The following C19orf25 variants were observed in gnomAD, a reference collection of about 807,000 sequenced individuals.
The protein encoded by C19orf25 is UPF0449 protein C19orf25.
In C19orf25, 1 loss-of-function variant was observed where a neutral mutation model predicts 3.1. That is an observed-to-expected ratio of 0.32 (90% confidence interval 0.12 to 1.54). The LOEUF (loss-of-function observed/expected upper bound fraction) is 1.54. Ranked by LOEUF, C19orf25 falls within the 40% of genes most tolerant of loss-of-function variation. The probability of loss-of-function intolerance (pLI) is 0.38; values close to 1 mark genes in which losing one functional copy is unlikely to be tolerated. For synonymous variants in C19orf25, 91 were observed against 74.3 expected, an observed-to-expected ratio of 1.23 and a Z score of -1.16; for missense variants, 196 against 160.4, an observed-to-expected ratio of 1.22 and a Z score of -1.20.
At chr19:1,478,394 C>T in intron 2 of C19orf25, 1 of 411,534 alleles carries the variant, frequency 2.4e-6, no homozygotes, top group Non-Finnish European at 4.2e-6. Flanking sequence ...GCGCCTGCCA[C>T]TATGCCCAGC....
chr19:1,478,995 C>T, intron 1 of C19orf25, 90 bp from the exon 2 acceptor site: 2 of 1,428,180 alleles, frequency 1.4e-6, no homozygotes, highest in South Asian at 1.5e-5. Flanking sequence ...TCGTACGCAC[C>T]CGTCGCGGTC....
Position 1,474,837 on chromosome 19 carries a change from A to G in C19orf25, c.*195T>C. ...CCCTCAGGTCACGCAGGACGGAGCC[A>G]GCTGGGTGGGTCCCACCAACTCGGC... On this transcript the variant is annotated 3_prime_UTR_variant, in exon 3 of 3. Coordinates refer to ENST00000585675, the MANE Select transcript of C19orf25 (RefSeq NM_152482.3). 6.8e-7 allele frequency: 1 copy of G among 1,464,794 alleles called. No individual in the cohort carries two copies. 90.7% of individuals were successfully genotyped at this position (1,464,794 alleles called of 1,614,324 possible).
chr19:1,476,790 T>G (rs1344671669), intron 2 of C19orf25, among the ~76,000 whole-genome samples: 1 of 152,078 alleles, frequency 6.6e-6, no homozygotes, highest in Non-Finnish European at 1.5e-5. Flanking sequence ...CTAGTTTGTG[T>G]ATTTTTGGTA....
chr19:1,478,933 G>C (rs2084235615), intron 1 of C19orf25, 28 bp from the exon 2 acceptor site: 6 of 1,567,296 alleles, frequency 3.8e-6, no homozygotes, highest in Non-Finnish European at 5.2e-6. Flanking sequence ...GGCGCTGACC[G>C]GGGCGTCCAC....
rs776597569 is a variant in C19orf25, at chr19:1,475,052, C to G, written c.337G>C (p.Glu113Gln). 1.9e-6 allele frequency: 3 copies of G among 1,595,146 alleles called. No individual in the cohort carries two copies. Among genetic ancestry groups the G allele is most frequent in the Non-Finnish European group, 2.6e-6 (3 of 1,173,190 alleles). The change falls in exon 3 of 3, where the codon GAG becomes CAG. Residue 113 changes from glutamate to glutamine, a missense_variant. By Grantham distance (29) the Glu-to-Gln change is conservative. Transcript: ENST00000585675. Reference protein sequence around the residue: ...QMKQAALPAAEAASSG With the variant: ...QMKQAALPAAQAASSG ...AGAGGTCAGCCTGAGGAGGCAGCCTCGGCTGCCGGTAATGCTGCCTGCTTC... is the reference window on the plus strand; with the variant it reads ...AGAGGTCAGCCTGAGGAGGCAGCCTGGGCTGCCGGTAATGCTGCCTGCTTC...
Position 1,474,723 on chromosome 19 carries a change from C to G in C19orf25, c.*309G>C. ...AGGAGGTGGCACCTGCTCCCAGGGG[C>G]CCCACTGCAGAGCACGGCCACTGTG... is the stretch of plus-strand genomic sequence containing the variant. On this transcript the variant is annotated 3_prime_UTR_variant, in exon 3 of 3. Transcript: ENST00000585675. 1 of 1,326,926 alleles carries G rather than the reference C, an allele frequency of 7.5e-7. No homozygotes were observed. The highest frequency in any genetic ancestry group is 9.9e-7 in the Non-Finnish European group (1 of 1,008,250). 82.2% of individuals were successfully genotyped at this position (1,326,926 alleles called of 1,614,324 possible).
At chr19:1,478,742 T>A in intron 2 of C19orf25, 32 bp downstream of exon 2, 1 of 1,544,680 alleles carries the variant, frequency 6.5e-7, no homozygotes, top group South Asian at 1.2e-5. Context: ...GGGTCTCAGG[T>A]CCGCTTTTCC....
intron 2 of C19orf25, among the ~76,000 whole-genome samples, chr19:1,477,332 C>G (rs1196292626): frequency 1.3e-5 from 2 of 152,232 alleles, no homozygotes; most frequent in Non-Finnish European, 2.9e-5. Flanking sequence ...CCGCCAGCCC[C>G]AGAACAGCCT....
In C19orf25 at chr19:1,473,998, T is replaced by C. The variant is rs184555519; in HGVS notation, c.*1034A>G. On this transcript the variant is annotated 3_prime_UTR_variant, in exon 3 of 3. Transcript: ENST00000585675. ...TCCACATTCAAGAAACAAAGCTGGCTGTGGGTCTGGAGAGAGGGTGAGGCA... is the reference window on the plus strand; with the variant it reads ...TCCACATTCAAGAAACAAAGCTGGCCGTGGGTCTGGAGAGAGGGTGAGGCA... 2 of 152,474 alleles carry C rather than the reference T, an allele frequency of 1.3e-5. No individual in the cohort carries two copies. Among genetic ancestry groups the C allele is most frequent in the African/African-American group, 4.8e-5 (2 of 41,576 alleles). The allele number at this position is 152,474 out of a possible 1,614,324, so 9.4% of individuals were successfully genotyped here. A position where few individuals can be genotyped will look rare whatever the true frequency, so the allele number is the denominator to read the frequency against.
At chr19:1,478,264 ACAGTCTCG>A (rs1218773541) in intron 2 of C19orf25, 1 of 162,326 alleles carries the variant, frequency 6.2e-6, no homozygotes, top group African/African-American at 2.5e-5. Flanking sequence ...TTTTTTTGAG[ACAGTCTCG>A]CACTGTCACC....
intron 1 of C19orf25, 65 bp downstream of exon 1, chr19:1,479,098 C>T (rs891736863): frequency 7.4e-7 from 1 of 1,359,838 alleles, no homozygotes; most frequent in Non-Finnish European, 9.4e-7. Context: ...GCCAAGGCTT[C>T]AGGGTCTGGC....
Position 1,474,991 on chromosome 19 carries a change from G to A in C19orf25, c.*41C>T, listed in dbSNP as rs2084188627. ...GACCCCCAGGGAAAGCCTGGGTGCA[G>A]GCCACCTTGTGCGCTGCCCAAGCCT... On this transcript the variant is annotated 3_prime_UTR_variant, in exon 3 of 3. Coordinates refer to ENST00000585675, the MANE Select transcript of C19orf25 (RefSeq NM_152482.3). The A allele has an allele frequency of 6.5e-7, 1 of 1,545,442 alleles. No homozygotes were observed. The highest frequency in any genetic ancestry group is 8.7e-7 in the Non-Finnish European group (1 of 1,149,282).
In C19orf25 at chr19:1,478,332, C is replaced by T. The variant is rs181296888; in HGVS notation, c.130+442G>A. ...CTCGGCTCACTGCAAACTCTGCATCCCGGGTTCAAGCGATTCTCCTGCCTC... is the reference window on the plus strand; with the variant it reads ...CTCGGCTCACTGCAAACTCTGCATCTCGGGTTCAAGCGATTCTCCTGCCTC... On this transcript the variant is annotated intron_variant, in intron 2 of 2. Coordinates refer to ENST00000585675, the MANE Select transcript of C19orf25 (RefSeq NM_152482.3). 160 of 252,838 alleles carry T rather than the reference C, an allele frequency of 6.3e-4. No homozygotes were observed. In the Middle Eastern group the frequency reaches 8.0e-3, roughly 13 times the overall value. The allele number at this position is 252,838 out of a possible 1,614,324, so 15.7% of individuals were successfully genotyped here. A position where few individuals can be genotyped will look rare whatever the true frequency, so the allele number is the denominator to read the frequency against.
chr19:1,475,950 T>A, intron 2 of C19orf25: 1 of 366,654 alleles, frequency 2.7e-6, no homozygotes. Context: ...TCATTCCTGC[T>A]GTCTCTGGAA....
chr19:1,473,830 C>G lies in C19orf25; in HGVS notation c.*1202G>C, dbSNP rs45468999. The G allele has an allele frequency of 0.036, 5,566 of 152,508 alleles. 165 individuals are homozygous for G. Among genetic ancestry groups the G allele is most frequent in the East Asian group, 0.15 (768 of 5,174 alleles). 9.4% of individuals were successfully genotyped at this position (152,508 alleles called of 1,614,324 possible). On this transcript the variant is annotated 3_prime_UTR_variant, in exon 3 of 3. Coordinates refer to ENST00000585675, the MANE Select transcript of C19orf25 (RefSeq NM_152482.3). ...CCTGGGACACTGCCGGGACCTCCCT[C>G]GGCCAGGTGAGCAGCTTCAGAAGCA... is the stretch of plus-strand genomic sequence containing the variant.
chr19:1,477,901 G>A (rs1226162335), intron 2 of C19orf25, among the ~76,000 whole-genome samples: 3 of 151,996 alleles, frequency 2.0e-5, no homozygotes, highest in African/African-American at 4.8e-5. Context: ...GTGCAGTTGC[G>A]TGATCTCAGC....
intron 2 of C19orf25, among the ~76,000 whole-genome samples, chr19:1,477,864 C>T (rs2084221580): frequency 2.6e-5 from 4 of 152,244 alleles, no homozygotes; most frequent in African/African-American, 9.6e-5. Flanking sequence ...ATTATTGAAA[C>T]AGAGTCTCAC....
At chr19:1,476,309 G>A (rs2084205163) in intron 2 of C19orf25, 1 of 398,666 alleles carries the variant, frequency 2.5e-6, no homozygotes, top group African/African-American at 2.1e-5. Context: ...TTTAGCAACA[G>A]GGTGGGAAAG....
In C19orf25 at chr19:1,478,662, T is replaced by A. The variant is rs755850033; in HGVS notation, c.130+112A>T. 4.6e-6 allele frequency: 7 copies of A among 1,506,820 alleles called. No individual in the cohort carries two copies. The Middle Eastern group carries it at 6.9e-4, about 149-fold the overall frequency. The allele number at this position is 1,506,820 out of a possible 1,614,324, so 93.3% of individuals were successfully genotyped here. A position where few individuals can be genotyped will look rare whatever the true frequency, so the allele number is the denominator to read the frequency against. ...TCGGAGAGGATACGGACCGTGCCCATGTTGCGGGGGTTCCCAGGGCGTGGG... is the reference window on the plus strand; with the variant it reads ...TCGGAGAGGATACGGACCGTGCCCAAGTTGCGGGGGTTCCCAGGGCGTGGG... On this transcript the variant is annotated intron_variant, in intron 2 of 2. Coordinates refer to ENST00000585675, the MANE Select transcript of C19orf25 (RefSeq NM_152482.3).
Sources: allele counts gnomAD v4.1 joint callset (sites outside exome capture counted in the v4.1 genomes callset), GRCh38; gene constraint gnomAD v4.1.1; transcripts MANE v1.5; gene names NCBI Gene and HGNC (gene_info 2026-07-23, HGNC 2026-07-21).